The following DNAH1 variants were observed in gnomAD, a reference collection of about 807,000 sequenced individuals.
DNAH1 encodes the protein dynein axonemal heavy chain 1, also known as axonemal beta dynein heavy chain 1.
A neutral mutation model predicts 484.3 loss-of-function variants in DNAH1; 327 were observed. The ratio of observed to expected loss-of-function variants is 0.68; its 90% CI spans 0.62 to 0.74. The LOEUF is 0.74. Ranked by LOEUF, DNAH1 falls within the 30% of genes least tolerant of loss-of-function variation. The probability of loss-of-function intolerance (pLI) is 0.00; values close to 1 mark genes in which losing one functional copy is unlikely to be tolerated. For missense variants in DNAH1, 5,052 were observed against 5,546.8 expected, an observed-to-expected ratio of 0.91 and a Z score of 2.83; for synonymous variants, 2,192 against 2,191.9, an observed-to-expected ratio of 1.00 and a Z score of 0.00.
In DNAH1 at chr3:52,362,900, G is replaced by A; in HGVS notation, c.5095-95G>A. The A allele has an allele frequency of 6.5e-7, 1 of 1,536,896 alleles. No individual in the cohort carries two copies. Among genetic ancestry groups the A allele is most frequent in the Admixed American group, 1.7e-5 (1 of 58,944 alleles). On this transcript the variant is annotated intron_variant, in intron 31 of 77. Transcript: ENST00000420323. This position sits in a 1 kb window ranked among gnomAD's most constrained non-coding sequence, Gnocchi z 5.1. ...GCTGTGGCAGGCTTGGTGCAGCAGG[G>A]AGTCCCAGCGTGTTAGGGAGGAGGG...
chr3:52,398,342 T>C (rs1704733189), intron 75 of DNAH1, among the ~76,000 whole-genome samples, 180 bp downstream of exon 75: 1 of 152,164 alleles, frequency 6.6e-6, no homozygotes, highest in East Asian at 1.9e-4. Flanking sequence ...AGTGCAGCGG[T>C]ATGATCTCAG....
chr3:52,396,335 G>A (rs889504141), intron 70 of DNAH1, 33 bp from the exon 71 acceptor site: 2 of 1,550,120 alleles, frequency 1.3e-6, no homozygotes, highest in Non-Finnish European at 1.7e-6. Context: ...CCAGATATGG[G>A]TCTCAATGCT....
Position 52,388,792 on chromosome 3 carries a change from G to A in DNAH1, c.9364-14G>A. 1 of 1,612,862 alleles carries A rather than the reference G, an allele frequency of 6.2e-7. No individual in the cohort carries two copies. The highest frequency in any genetic ancestry group is 1.3e-5 in the African/African-American group (1 of 75,056). On this transcript the variant is annotated splice_polypyrimidine_tract_variant and intron_variant, in intron 58 of 77. Transcript: ENST00000420323. ...CAGCCTCCCAGAGCCCACCCCACGG[G>A]GCTGCCCCTCCAGCTCATCAACGGG...
intron 77 of DNAH1, 95 bp from the exon 78 acceptor site, chr3:52,400,230 C>T: frequency 6.5e-7 from 1 of 1,543,354 alleles, no homozygotes; most frequent in Non-Finnish European, 8.8e-7. Flanking sequence ...CCCTCCCTGT[C>T]CTCAGCTTAG....
Position 52,359,323 on chromosome 3 carries a change from G to A in DNAH1, c.4344G>A (p.Glu1448=). Residue 1448 remains glutamate (E), a synonymous_variant, in exon 26 of 78, where the codon GAG becomes GAA. Transcript: ENST00000420323. The part of the protein sequence containing the change: ...IAGCQTYWTM[E]VAEALEAGNL... ...GGTGCCAGACCTACTGGACCATGGA[G>A]GTGGCAGAGGCTCTGGAGGCCGGCA... is the stretch of plus-strand genomic sequence containing the variant. The A allele has an allele frequency of 6.4e-7, 1 of 1,569,748 alleles. No individual in the cohort carries two copies. Among genetic ancestry groups the A allele is most frequent in the Non-Finnish European group, 8.6e-7 (1 of 1,156,652 alleles).
In DNAH1 at chr3:52,392,636, A is replaced by G. The variant is rs768676147; in HGVS notation, c.10225A>G (p.Met3409Val). 2.5e-6 allele frequency: 4 copies of G among 1,612,428 alleles called. No homozygotes were observed. The East Asian group carries it at 6.7e-5, about 27-fold the overall frequency. Reference sequence around the variant, plus strand: ...CTCCGAGGGCAACCCTGTAGATGACATGGAACTCATCAAGGTGCTGGAAGC... The same window carrying G: ...CTCCGAGGGCAACCCTGTAGATGACGTGGAACTCATCAAGGTGCTGGAAGC... ...SSSEGNPVDD[M>V]ELIKVLEASK... Residue 3409 changes from methionine (M) to valine (V), a missense_variant, in exon 64 of 78, where the codon ATG becomes GTG. Transcript: ENST00000420323.
chr3:52,320,080 C>G (rs1328545591), intron 1 of DNAH1, among the ~76,000 whole-genome samples: 1 of 152,200 alleles, frequency 6.6e-6, no homozygotes, highest in Non-Finnish European at 1.5e-5. Context: ...TCAGGCCCAT[C>G]TGGGAGCTGA....
In DNAH1 at chr3:52,353,239, A is replaced by G. The variant is rs773471511; in HGVS notation, c.3164A>G (p.Lys1055Arg). 5 of 1,614,020 alleles carry G rather than the reference A, an allele frequency of 3.1e-6. 1 individual carries two copies. The South Asian group carries it at 5.5e-5, about 18-fold the overall frequency. ...GCCATCGATGCTGAGCAGCTGGAGAAGAACGTGGTTGAAGCCTTCAAGACC... is the reference window on the plus strand; with the variant it reads ...GCCATCGATGCTGAGCAGCTGGAGAGGAACGTGGTTGAAGCCTTCAAGACC... The part of the protein sequence containing the change: ...LSAIDAEQLE[K>R]NVVEAFKTMH... The change falls in exon 19 of 78, where the codon AAG becomes AGG. Residue 1055 changes from lysine to arginine, a missense_variant. Coordinates refer to ENST00000420323, the MANE Select transcript of DNAH1 (RefSeq NM_015512.5). This position sits in a 1 kb window ranked among gnomAD's most constrained non-coding sequence, Gnocchi z 5.0.
At chr3:52,314,947 G>C (rs1279404979), upstream of DNAH1, among the ~76,000 whole-genome samples, 1 of 152,242 alleles carries the variant, frequency 6.6e-6, no homozygotes, top group Non-Finnish European at 1.5e-5. Flanking sequence ...GAGAAACTCT[G>C]TTCTACTCCT....
chr3:52,361,173 G>T lies in DNAH1; in HGVS notation c.4695G>T (p.Leu1565=). 1 of 1,607,242 alleles carries T rather than the reference G, an allele frequency of 6.2e-7. No individual in the cohort carries two copies. The highest frequency in any genetic ancestry group is 1.1e-5 in the South Asian group (1 of 89,684). The part of the protein sequence containing the change: ...VITPLTDRCY[L]TLTGALHLKF... Reference sequence around the variant, plus strand: ...CCTCTGTCTCCTGCAGGTGCTACCTGACACTGACCGGAGCTCTGCACCTCA... The same window carrying T: ...CCTCTGTCTCCTGCAGGTGCTACCTTACACTGACCGGAGCTCTGCACCTCA... The change falls in exon 29 of 78, where the codon CTG becomes CTT. Residue 1565 remains leucine, a synonymous_variant. Transcript: ENST00000420323. The surrounding 1 kb of genome is among the most constrained non-coding windows in gnomAD (Gnocchi z 5.6).
At position 52,327,884 on chromosome 3, in the gene DNAH1, A is replaced by G. The variant is rs1701407184; in HGVS notation, c.741A>G (p.Val247=). The stretch of plus-strand genomic sequence containing the variant: ...AATGTTGGCCTGCTTTCTTCCAGGT[A>G]TTTGACAATGAGGACTTTGACTGCC... The part of the protein sequence containing the change: ...PIFPIYLPLK[V]FDNEDFDCRT... Residue 247 remains valine (V), a splice_region_variant and synonymous_variant, in exon 6 of 78, where the codon GTA becomes GTG. Coordinates refer to ENST00000420323, the MANE Select transcript of DNAH1 (RefSeq NM_015512.5). The G allele has an allele frequency of 3.1e-6, 5 of 1,613,340 alleles. No homozygotes were observed. The East Asian group carries it at 1.1e-4, about 36-fold the overall frequency.
chr3:52,364,776 G>A lies in DNAH1; in HGVS notation c.5331+52G>A. 1 of 1,606,730 alleles carries A rather than the reference G, an allele frequency of 6.2e-7. No homozygotes were observed. Among genetic ancestry groups the A allele is most frequent in the Non-Finnish European group, 8.5e-7 (1 of 1,175,364 alleles). On this transcript the variant is annotated intron_variant, in intron 33 of 77. Coordinates refer to ENST00000420323, the MANE Select transcript of DNAH1 (RefSeq NM_015512.5). The surrounding 1 kb of genome is among the most constrained non-coding windows in gnomAD (Gnocchi z 4.2). ...GAGTGGAACTCTGGGAGGGCTCCTGGGCAGCTGGAGGGCAGCTGGCCCACT... is the reference window on the plus strand; with the variant it reads ...GAGTGGAACTCTGGGAGGGCTCCTGAGCAGCTGGAGGGCAGCTGGCCCACT...
At chr3:52,359,600 G>T (rs2153224292) in intron 26 of DNAH1, among the ~76,000 whole-genome samples, 1 of 152,302 alleles carries the variant, frequency 6.6e-6, no homozygotes, top group Non-Finnish European at 1.5e-5. Context: ...GGTCAGTGAG[G>T]GAGCCACGCG....
chr3:52,397,452 C>A (rs1250281782), intron 73 of DNAH1, among the ~76,000 whole-genome samples: 3 of 151,626 alleles, frequency 2.0e-5, no homozygotes, highest in African/African-American at 4.9e-5. Context: ...CAGGAGGGAG[C>A]CTGACAAATT....
In DNAH1 at chr3:52,364,946, G is replaced by C; in HGVS notation, c.5445G>C (p.Glu1815Asp). Residue 1815 changes from glutamate (E) to aspartate (D), a missense_variant, in exon 34 of 78, where the codon GAG becomes GAC. Physicochemically the swap from Glu to Asp is conservative, Grantham distance 45 (BLOSUM62 2). This residue lies in a region of DNAH1 where 2,929 missense variants were observed against 3,409.4 expected (regional missense o/e 0.86). Coordinates refer to ENST00000420323, the MANE Select transcript of DNAH1 (RefSeq NM_015512.5). This position sits in a 1 kb window ranked among gnomAD's most constrained non-coding sequence, Gnocchi z 4.2. ...VSDLFPTIKEEDTDYGILDEA... is the reference protein window; with the variant it reads ...VSDLFPTIKEDDTDYGILDEA... ...ACCTGTTTCCCACCATCAAGGAGGAGGACACGGACTACGGCATCCTGGATG... is the reference window on the plus strand; with the variant it reads ...ACCTGTTTCCCACCATCAAGGAGGACGACACGGACTACGGCATCCTGGATG... The C allele has an allele frequency of 6.2e-7, 1 of 1,613,984 alleles. No individual in the cohort carries two copies. The highest frequency in any genetic ancestry group is 1.3e-5 in the African/African-American group (1 of 75,054).
intron 7 of DNAH1, among the ~76,000 whole-genome samples, chr3:52,331,858 T>A (rs1447447176): frequency 6.6e-6 from 1 of 152,082 alleles, no homozygotes; most frequent in Non-Finnish European, 1.5e-5. Flanking sequence ...ACTCCTGGCC[T>A]CAAGCATCCT....
At chr3:52,339,679 C>T (rs1401356391) in intron 8 of DNAH1, among the ~76,000 whole-genome samples, 4 of 152,104 alleles carry the variant, frequency 2.6e-5, no homozygotes, top group Admixed American at 6.6e-5. Context: ...AGACGGTGTT[C>T]ACCTATTCAT....
At position 52,386,118 on chromosome 3, in the gene DNAH1, A is replaced by C. The variant is rs551651996; in HGVS notation, c.8626-42A>C. On this transcript the variant is annotated intron_variant, in intron 54 of 77. Coordinates refer to ENST00000420323, the MANE Select transcript of DNAH1 (RefSeq NM_015512.5). ...ATCTGGGGAGACTAAGATGCAGAGA[A>C]GAGAAAAGGGGGGAGGACATCCCTA... The C allele has an allele frequency of 2.0e-5, 32 of 1,574,478 alleles. No individual in the cohort carries two copies. The Admixed American group carries it at 3.9e-4, about 19-fold the overall frequency.
chr3:52,386,817 G>T lies in DNAH1; in HGVS notation c.8967G>T (p.Pro2989=). The part of the protein sequence containing the change: ...WEPGKGLLQD[P]GHFLESLFKF... ...CTGGCAAGGGGCTGCTGCAGGACCC[G>T]GGCCACTTCCTTGAGAGCCTCTTCA... The change falls in exon 56 of 78, where the codon CCG becomes CCT. Residue 2989 remains proline (P), a synonymous_variant. Transcript: ENST00000420323. The T allele has an allele frequency of 6.3e-7, 1 of 1,586,802 alleles. No homozygotes were observed. Among genetic ancestry groups the T allele is most frequent in the African/African-American group, 1.3e-5 (1 of 74,196 alleles).
Sources: allele counts gnomAD v4.1 joint callset (sites outside exome capture counted in the v4.1 genomes callset), GRCh38; gene constraint gnomAD v4.1.1; regional missense constraint gnomAD v4.1.1; non-coding constraint Gnocchi (gnomAD v3.1); transcripts MANE v1.5; gene names NCBI Gene and HGNC (gene_info 2026-07-23, HGNC 2026-07-21).